The following LRMDA variants were observed in gnomAD, a reference collection of about 807,000 sequenced individuals.
LRMDA encodes leucine rich melanocyte differentiation associated.
LRMDA carries 18 observed loss-of-function variants against 29.8 expected under a neutral mutation model. The observed-to-expected ratio is 0.60, with a 90% CI of 0.42 to 0.90. The LOEUF (loss-of-function observed/expected upper bound fraction) is 0.90, where lower values mean the gene tolerates loss of function less well. Ranked by LOEUF, LRMDA falls within the 40% of genes least tolerant of loss-of-function variation. LRMDA has a pLI of 0.00. For synonymous variants in LRMDA, 125 were observed against 109.4 expected (o/e 1.14, Z -0.89); for missense variants, 273 against 273.9 (o/e 1.00, Z 0.02).
At chr10:75,815,411 T>G (rs910427758) in intron 2 of LRMDA, among the ~76,000 whole-genome samples, 1 of 152,188 alleles carries the variant, frequency 6.6e-6, no homozygotes, top group African/African-American at 2.4e-5. Flanking sequence ...TCACCAATAT[T>G]TCCAGTTCCC....
At chr10:75,536,582 G>A (rs1413206833) in intron 2 of LRMDA, among the ~76,000 whole-genome samples, 3 of 152,102 alleles carry the variant, frequency 2.0e-5, no homozygotes, top group African/African-American at 4.8e-5. Context: ...GCATTTTTAG[G>A]AGATGGAGCC....
chr10:75,793,423 G>T (rs747738257), intron 2 of LRMDA, among the ~76,000 whole-genome samples: 5 of 152,212 alleles, frequency 3.3e-5, no homozygotes, highest in Non-Finnish European at 7.4e-5. Context: ...CTTCTACCCA[G>T]TAGGACAATA....
At chr10:75,648,861 A>C (rs537048402) in intron 2 of LRMDA, among the ~76,000 whole-genome samples, 26 of 152,250 alleles carry the variant, frequency 1.7e-4, no homozygotes, top group African/African-American at 6.3e-4. Flanking sequence ...CCCATATCAA[A>C]AATGAAGAAA....
chr10:76,150,660 G>A (rs185342364), intron 5 of LRMDA, among the ~76,000 whole-genome samples: 12 of 152,264 alleles, frequency 7.9e-5, no homozygotes, highest in African/African-American at 2.2e-4. Flanking sequence ...GTGGGCAGTC[G>A]ATCGAGCCTT....
At chr10:76,441,482 C>T (rs1470232993) in intron 6 of LRMDA, among the ~76,000 whole-genome samples, 1 of 152,108 alleles carries the variant, frequency 6.6e-6, no homozygotes, top group Non-Finnish European at 1.5e-5. Flanking sequence ...GACTGTTAAA[C>T]AAGTAATGCA....
At chr10:75,553,477 C>T (rs1356531561) in intron 2 of LRMDA, among the ~76,000 whole-genome samples, 1 of 152,154 alleles carries the variant, frequency 6.6e-6, no homozygotes, top group African/African-American at 2.4e-5. Context: ...CAGTGTGAAG[C>T]TTGTGGTGTG....
intron 5 of LRMDA, among the ~76,000 whole-genome samples, chr10:76,110,794 ATC>A (rs1435029557): frequency 1.3e-5 from 2 of 152,082 alleles, no homozygotes; most frequent in African/African-American, 4.8e-5. Context: ...GTCGAATTAA[ATC>A]TCTTTTTCTT....
intron 2 of LRMDA, among the ~76,000 whole-genome samples, chr10:76,028,654 C>A (rs918932344): frequency 2.6e-5 from 4 of 152,002 alleles, no homozygotes; most frequent in African/African-American, 9.7e-5. Context: ...AAAATAAGAT[C>A]AAAATCCCTA....
At chr10:76,322,247 T>C (rs2132395377) in intron 5 of LRMDA, among the ~76,000 whole-genome samples, 1 of 152,306 alleles carries the variant, frequency 6.6e-6, no homozygotes, top group East Asian at 1.9e-4. Flanking sequence ...ATCCTAAGGT[T>C]CAGAGAACCA....
In LRMDA at chr10:75,667,083, T is replaced by C. The variant is rs974616024; in HGVS notation, c.131+228589T>C. ...AGAATCTAAAGGTGAATGTTTTCTT[T>C]TTGAAACTGTGTGCTATAATATTGA... On this transcript the variant is annotated intron_variant, in intron 2 of 6. Coordinates refer to ENST00000611255, the MANE Select transcript of LRMDA (RefSeq NM_001305581.2). 3.3e-5 allele frequency among the ~76,000 whole-genome samples: 5 copies of C among 152,312 alleles called. No individual in the cohort carries two copies. The South Asian group carries it at 6.2e-4, about 19-fold the overall frequency.
chr10:75,980,575 G>A (rs545775605), intron 2 of LRMDA, among the ~76,000 whole-genome samples: 27 of 152,284 alleles, frequency 1.8e-4, no homozygotes, highest in Admixed American at 5.2e-4. Flanking sequence ...GGACCCGTGC[G>A]TGTCTGGCTA....
chr10:75,941,198 C>G (rs1451606249), intron 2 of LRMDA, among the ~76,000 whole-genome samples: 2 of 152,168 alleles, frequency 1.3e-5, no homozygotes, highest in Non-Finnish European at 2.9e-5. Context: ...GCCGCCGCCT[C>G]CAGCCCACCC....
At chr10:76,444,969 T>A (rs1842339959) in intron 6 of LRMDA, among the ~76,000 whole-genome samples, 2 of 152,132 alleles carry the variant, frequency 1.3e-5, no homozygotes, top group African/African-American at 4.8e-5. Flanking sequence ...CCATATATAT[T>A]TATATTCATA....
rs568172954 is a variant in LRMDA, at chr10:76,432,102, C to G, written c.601+107617C>G. Among the ~76,000 whole-genome samples the G allele has an allele frequency of 6.6e-5, 10 of 152,284 alleles. No homozygotes were observed. The East Asian group carries it at 1.7e-3, about 26-fold the overall frequency. The stretch of plus-strand genomic sequence containing the variant: ...GCAAGTGTACTGGTGCTTAATTTCC[C>G]TTTGTAAAACTTGAGTCCTGGCTGA... On this transcript the variant is annotated intron_variant, in intron 6 of 6. Transcript: ENST00000611255.
intron 2 of LRMDA, among the ~76,000 whole-genome samples, chr10:75,533,774 A>T (rs1181185412): frequency 6.6e-6 from 1 of 152,100 alleles, no homozygotes; most frequent in Non-Finnish European, 1.5e-5. Context: ...CACTCAGAGG[A>T]TGAGAGGAGA....
intron 2 of LRMDA, among the ~76,000 whole-genome samples, chr10:75,708,083 G>T (rs542533899): frequency 2.2e-4 from 34 of 152,246 alleles, no homozygotes; most frequent in African/African-American, 7.0e-4. Flanking sequence ...TGAGCCAAAG[G>T]TTTCAGGCTC....
chr10:75,487,050 G>A (rs554026307), intron 2 of LRMDA, among the ~76,000 whole-genome samples: 12 of 152,322 alleles, frequency 7.9e-5, no homozygotes, highest in Admixed American at 2.0e-4. Flanking sequence ...GCTATATGGA[G>A]TTGTTTTGTC....
chr10:75,813,045 C>T (rs1466669264), intron 2 of LRMDA, among the ~76,000 whole-genome samples: 1 of 152,114 alleles, frequency 6.6e-6, no homozygotes, highest in South Asian at 2.1e-4. Context: ...ATGAGAGTTA[C>T]ACGGCTCCTG....
At chr10:76,530,791 T>G (rs1843225183) in intron 6 of LRMDA, among the ~76,000 whole-genome samples, 1 of 152,142 alleles carries the variant, frequency 6.6e-6, no homozygotes, top group Admixed American at 6.6e-5. Context: ...ATGAAAGAAT[T>G]CCATAAAAGA....
Sources: allele counts gnomAD v4.1 joint callset (sites outside exome capture counted in the v4.1 genomes callset), GRCh38; gene constraint gnomAD v4.1.1; transcripts MANE v1.5; gene names NCBI Gene and HGNC (gene_info 2026-07-23, HGNC 2026-07-21).